TTLL10: variants seen among roughly 807,000 people sequenced by gnomAD.
TTLL10 encodes the protein tubulin tyrosine ligase like 10.
In TTLL10, 61 loss-of-function variants were observed where a neutral mutation model predicts 69.0. The ratio of observed to expected loss-of-function variants is 0.88; its 90% CI spans 0.72 to 1.09. TTLL10 has a LOEUF of 1.09. Among genes scored for constraint, TTLL10 ranks in the 50% least tolerant of loss-of-function variants. The pLI, the probability that TTLL10 is intolerant of heterozygous loss-of-function variation, is 0.00. For synonymous variants in TTLL10, 408 were observed against 393.3 expected, an observed-to-expected ratio of 1.04 and a Z score of -0.44; for missense variants, 962 against 945.9, an observed-to-expected ratio of 1.02 and a Z score of -0.22.
intron 3 of TTLL10, chr1:1,175,494 T>A: frequency 2.7e-6 from 1 of 367,494 alleles, no homozygotes; most frequent in Non-Finnish European, 5.4e-6. Context: ...GGGGCAGAGC[T>A]GCCCGGCCTC....
chr1:1,178,724 C>T (rs1257277664), intron 3 of TTLL10, among the ~76,000 whole-genome samples: 1 of 152,142 alleles, frequency 6.6e-6, no homozygotes, highest in Non-Finnish European at 1.5e-5. Flanking sequence ...GCCTGGCACC[C>T]AGGGGCGGCC....
chr1:1,188,562 G>A (rs979309843), intron 13 of TTLL10, among the ~76,000 whole-genome samples: 6 of 151,862 alleles, frequency 4.0e-5, no homozygotes, highest in East Asian at 3.9e-4. Flanking sequence ...CCACCACCAC[G>A]CTCGGCTAAT....
At chr1:1,195,260 G>C (rs1648114028) in intron 13 of TTLL10, among the ~76,000 whole-genome samples, 1 of 152,118 alleles carries the variant, frequency 6.6e-6, no homozygotes, top group African/African-American at 2.4e-5. Context: ...CAAAGTGCTG[G>C]GATTACAGGT....
At chr1:1,190,247 C>CTTTTTTTTTTTTTTT (rs376649547) in intron 13 of TTLL10, among the ~76,000 whole-genome samples, 1 of 142,646 alleles carries the variant, frequency 7.0e-6, no homozygotes. Context: ...TTCTTCTCTC[C>CTTTTTTTTTTTTTTT]TTTTTTTTTT....
chr1:1,180,875 G>A lies in TTLL10; in HGVS notation c.755+15G>A. On this transcript the variant is annotated intron_variant, in intron 8 of 15. Transcript: ENST00000379289. ...GTCCAGGCCAGGTGAGTCTGCCCCT[G>A]CCCCTGCCCCCGTCCCTGCGCCCGC... The A allele has an allele frequency of 1.9e-6, 3 of 1,546,244 alleles. No homozygotes were observed. Among genetic ancestry groups the A allele is most frequent in the South Asian group, 1.2e-5 (1 of 83,964 alleles).
rs538318674 is a variant in TTLL10 at position 1,183,142 on chromosome 1, G to A, written c.1088+95G>A. On this transcript the variant is annotated intron_variant, in intron 11 of 15. Coordinates refer to ENST00000379289, the MANE Select transcript of TTLL10 (RefSeq NM_001130045.2). ...CAGGGCCGCCGAGGAGCCCTTGGTCGTGGAAAGCAGCCGCACCACCAGCCC... is the reference window on the plus strand; with the variant it reads ...CAGGGCCGCCGAGGAGCCCTTGGTCATGGAAAGCAGCCGCACCACCAGCCC... 3.6e-3 allele frequency: 5,044 copies of A among 1,418,168 alleles called. 12 individuals are homozygous for A. Among genetic ancestry groups the A allele is most frequent in the Non-Finnish European group, 4.2e-3 (4,506 of 1,068,976 alleles). The allele number at this position is 1,418,168 out of a possible 1,614,324, so 87.8% of individuals were successfully genotyped here.
intron 3 of TTLL10, 27 bp downstream of exon 3, chr1:1,174,516 G>A (rs1646820521): frequency 6.6e-6 from 1 of 152,226 alleles, no homozygotes; most frequent in African/African-American, 2.4e-5. Context: ...ACAATTTATT[G>A]TAAGGTCGTG....
intron 13 of TTLL10, among the ~76,000 whole-genome samples, chr1:1,189,928 C>T (rs1039710305): frequency 5.9e-5 from 9 of 151,958 alleles, no homozygotes; most frequent in East Asian, 1.9e-4. Context: ...CCGGGTAACA[C>T]GGTGAAACCC....
Position 1,180,803 on chromosome 1 carries a change from G to A in TTLL10, c.698G>A (p.Arg233Gln), listed in dbSNP as rs143329559. ...AAGATCGGGCTGCTCAGCACCCTTC[G>A]GGGACGGGCACGGGCCATGAGCAAG... ...TTKIGLLSTL[R>Q]GRARAMSKAS... The change falls in exon 8 of 16, where the codon CGG becomes CAG. Residue 233 changes from arginine to glutamine, a missense_variant. Transcript: ENST00000379289. 2.7e-4 allele frequency: 426 copies of A among 1,604,614 alleles called. 3 individuals carry two copies. Among genetic ancestry groups the A allele is most frequent in the South Asian group, 1.1e-3 (95 of 89,030 alleles).
chr1:1,185,405 C>T lies in TTLL10; in HGVS notation c.1401+296C>T, dbSNP rs952348417. 217 of 1,268,700 alleles carry T rather than the reference C, an allele frequency of 1.7e-4. 1 individual carries two copies. Among genetic ancestry groups the T allele is most frequent in the Middle Eastern group, 9.1e-4 (3 of 3,310 alleles). 78.6% of individuals were successfully genotyped at this position (1,268,700 alleles called of 1,614,324 possible). A position where few individuals can be genotyped will look rare whatever the true frequency, so the allele number is the denominator to read the frequency against. Reference sequence around the variant, plus strand: ...GACAGCTCGGCTTCAGTGACAGCCACCATGTGAAGAGTCTTTGTTCCTTTC... The same window carrying T: ...GACAGCTCGGCTTCAGTGACAGCCATCATGTGAAGAGTCTTTGTTCCTTTC... On this transcript the variant is annotated intron_variant, in intron 13 of 15. Transcript: ENST00000379289. This position sits in a 1 kb window ranked among gnomAD's most constrained non-coding sequence, Gnocchi z 6.1.
At chr1:1,196,999 C>A in intron 14 of TTLL10, 94 bp from the exon 15 acceptor site, 1 of 1,220,388 alleles carries the variant, frequency 8.2e-7, no homozygotes, top group Non-Finnish European at 1.2e-6. Flanking sequence ...AAGCAATCTC[C>A]CAGAGCCATC....
Position 1,185,334 on chromosome 1 carries a change from G to T in TTLL10, c.1401+225G>T, listed in dbSNP as rs1249272152. The T allele has an allele frequency of 5.1e-6, 7 of 1,382,848 alleles. No individual in the cohort carries two copies. The highest frequency in any genetic ancestry group is 3.2e-5 in the Admixed American group (1 of 30,854). 85.7% of individuals were successfully genotyped at this position (1,382,848 alleles called of 1,614,324 possible). A position where few individuals can be genotyped will look rare whatever the true frequency, so the allele number is the denominator to read the frequency against. On this transcript the variant is annotated intron_variant, in intron 13 of 15. Coordinates refer to ENST00000379289, the MANE Select transcript of TTLL10 (RefSeq NM_001130045.2). This position sits in a 1 kb window ranked among gnomAD's most constrained non-coding sequence, Gnocchi z 6.1. ...GCCCGGACGGAAAGCCCAGTCGGGG[G>T]TCTGTCGGCACGAGTCCCGCGGGCA... is the stretch of plus-strand genomic sequence containing the variant.
At chr1:1,182,718 G>C (rs539223589) in intron 10 of TTLL10, among the ~76,000 whole-genome samples, 158 bp from the exon 11 acceptor site, 15 of 152,104 alleles carry the variant, frequency 9.9e-5, no homozygotes, top group Non-Finnish European at 1.8e-4. Flanking sequence ...GTCGAGGCAC[G>C]GGCAGGAGCT....
Position 1,185,465 on chromosome 1 carries a change from C to T in TTLL10, c.1401+356C>T. ...ACTTGGCAGGCAGGGCCAACAGCAG[C>T]CCCCGGGCCAGGTGTCCTGGAGCAG... On this transcript the variant is annotated intron_variant, in intron 13 of 15. Coordinates refer to ENST00000379289, the MANE Select transcript of TTLL10 (RefSeq NM_001130045.2). This position sits in a 1 kb window ranked among gnomAD's most constrained non-coding sequence, Gnocchi z 6.1. 1 of 1,085,016 alleles carries T rather than the reference C, an allele frequency of 9.2e-7. No individual in the cohort carries two copies. The highest frequency in any genetic ancestry group is 3.4e-5 in the South Asian group (1 of 29,174). 67.2% of individuals were successfully genotyped at this position (1,085,016 alleles called of 1,614,324 possible). A position where few individuals can be genotyped will look rare whatever the true frequency, so the allele number is the denominator to read the frequency against.
At chr1:1,180,970 GC>G in intron 8 of TTLL10, 110 bp downstream of exon 8, 1 of 1,023,090 alleles carries the variant, frequency 9.8e-7, no homozygotes, top group Non-Finnish European at 1.3e-6. Context: ...CCCTGCCCTT[GC>G]CCCTGCCCCT....
intron 13 of TTLL10, among the ~76,000 whole-genome samples, chr1:1,192,725 CAGTGTAGACACTCCAGTTGGTATG>C (rs1254526176): frequency 1.4e-5 from 2 of 145,064 alleles, no homozygotes; most frequent in Non-Finnish European, 3.0e-5. Flanking sequence ...CAGTTGATAT[CAGTGTAGACACTCCAGTTGGTATG>C]AGTGTAGACA....
intron 10 of TTLL10, 112 bp downstream of exon 10, chr1:1,182,558 T>TGGGAC (rs1278017254): frequency 8.6e-7 from 1 of 1,158,216 alleles, no homozygotes; most frequent in East Asian, 2.4e-5. Context: ...TGCGTGGGGC[T>TGGGAC]GGGACGAGAC....
chr1:1,179,446 C>T (rs1401751552), intron 4 of TTLL10, 113 bp downstream of exon 4: 1 of 1,244,114 alleles, frequency 8.0e-7, no homozygotes, highest in South Asian at 1.3e-5. Flanking sequence ...GGGCAGGATC[C>T]ACACATGGCC....
chr1:1,176,757 G>A (rs925855300), intron 3 of TTLL10, among the ~76,000 whole-genome samples: 1 of 152,208 alleles, frequency 6.6e-6, no homozygotes, highest in Non-Finnish European at 1.5e-5. Flanking sequence ...TGACCCTGCT[G>A]TGCGGCACCT....
Sources: allele counts gnomAD v4.1 joint callset (sites outside exome capture counted in the v4.1 genomes callset), GRCh38; gene constraint gnomAD v4.1.1; non-coding constraint Gnocchi (gnomAD v3.1); transcripts MANE v1.5; gene names NCBI Gene and HGNC (gene_info 2026-07-23, HGNC 2026-07-21).